Variants in MFAP5 observed in about 807,000 individuals in gnomAD.
The protein encoded by MFAP5 is microfibrillar-associated protein 5.
A neutral mutation model predicts 30.1 loss-of-function variants in MFAP5; 19 were observed. That is an observed-to-expected ratio of 0.63 (90% CI 0.44 to 0.93). The LOEUF (loss-of-function observed/expected upper bound fraction) is 0.93. MFAP5 is among the 40% of genes least tolerant of loss of function. The pLI is 0.00. For synonymous variants in MFAP5, 92 were observed against 72.9 expected (o/e 1.26, Z -1.33); for missense variants, 210 against 221.3 (o/e 0.95, Z 0.32).
Position 8,651,687 on chromosome 12 carries a change from G to A in MFAP5, c.222C>T (p.Ser74=). 1.2e-6 allele frequency: 2 copies of A among 1,613,758 alleles called. No individual in the cohort carries two copies. The highest frequency in any genetic ancestry group is 8.5e-7 in the Non-Finnish European group (1 of 1,179,770). ...CTGCAGTGGTATTTTTTTCACTGAG[G>A]GAGGCTGAAAGGCAGAAATTTTATT... The part of the protein sequence containing the change: ...DIAPSTDDLA[S]LSEKNTTAEC... Residue 74 remains serine (S), a synonymous_variant, in exon 7 of 10, where the codon TCC becomes TCT. Coordinates refer to ENST00000359478, the MANE Select transcript of MFAP5 (RefSeq NM_003480.4).
At chr12:8,653,325 C>T (rs1941894334) in intron 6 of MFAP5, among the ~76,000 whole-genome samples, 1 of 152,158 alleles carries the variant, frequency 6.6e-6, no homozygotes, top group South Asian at 2.1e-4. Context: ...GGGAACACTG[C>T]AACAGTGGCC....
At chr12:8,651,295 T>G (rs1941831465) in intron 7 of MFAP5, among the ~76,000 whole-genome samples, 1 of 152,336 alleles carries the variant, frequency 6.6e-6, no homozygotes, top group African/African-American at 2.4e-5. Flanking sequence ...ACCCTAGCTA[T>G]ATATCAGAAT....
chr12:8,657,291 C>T (rs1374471153), intron 3 of MFAP5, among the ~76,000 whole-genome samples: 1 of 152,072 alleles, frequency 6.6e-6, no homozygotes, highest in African/African-American at 2.4e-5. Context: ...TGGTGGTGCA[C>T]GCCTGTAATC....
chr12:8,655,979 C>T (rs1470896046), intron 3 of MFAP5, 149 bp from the exon 4 acceptor site: 7 of 665,998 alleles, frequency 1.1e-5, no homozygotes, highest in South Asian at 1.9e-5. Flanking sequence ...TAATGACAAA[C>T]GATTGATGAC....
rs28372697 is a variant in MFAP5 at position 8,662,691 on chromosome 12, C to T, written c.-67G>A. 1.5e-3 allele frequency: 225 copies of T among 152,238 alleles called. 1 individual carries two copies. In the East Asian group the frequency reaches 0.021, roughly 14 times the overall value. The allele number at this position is 152,238 out of a possible 1,614,324, so 9.4% of individuals were successfully genotyped here. ...TGCTGAATGTGTCTCTCTCCTCTTA[C>T]GCTGTTCCTACTTTGGCTGGCGAAT... is the stretch of plus-strand genomic sequence containing the variant. On this transcript the variant is annotated 5_prime_UTR_variant, in exon 1 of 10. Transcript: ENST00000359478.
In MFAP5 at chr12:8,655,412, T is replaced by A; in HGVS notation, c.172+3A>T. On this transcript the variant is annotated splice_donor_region_variant and intron_variant, in intron 5 of 9. Coordinates refer to ENST00000359478, the MANE Select transcript of MFAP5 (RefSeq NM_003480.4). ...TTTTTTTTTTAACTGCGGTAAAATT[T>A]ACCTGTTTCATCTGTAGCGGGATCA... 4 of 1,599,238 alleles carry A rather than the reference T, an allele frequency of 2.5e-6. No homozygotes were observed. Among genetic ancestry groups the A allele is most frequent in the Non-Finnish European group, 3.4e-6 (4 of 1,173,850 alleles).
At position 8,647,479 on chromosome 12, in the gene MFAP5, C is replaced by T. The variant is rs1941713276; in HGVS notation, c.*612G>A. Reference sequence around the variant, plus strand: ...GAGCTTAGCAGAAGACATTTTGGGTCCTTATATATTGCTAGTAGGATTGTA... The same window carrying T: ...GAGCTTAGCAGAAGACATTTTGGGTTCTTATATATTGCTAGTAGGATTGTA... On this transcript the variant is annotated 3_prime_UTR_variant, in exon 10 of 10. Coordinates refer to ENST00000359478, the MANE Select transcript of MFAP5 (RefSeq NM_003480.4). The T allele has an allele frequency of 6.6e-6, 1 of 152,162 alleles. No individual in the cohort carries two copies. The highest frequency in any genetic ancestry group is 1.5e-5 in the Non-Finnish European group (1 of 68,044). 9.4% of individuals were successfully genotyped at this position (152,162 alleles called of 1,614,324 possible). A position where few individuals can be genotyped will look rare whatever the true frequency, so the allele number is the denominator to read the frequency against.
chr12:8,661,469 T>C (rs1942148596), intron 2 of MFAP5, among the ~76,000 whole-genome samples: 4 of 152,166 alleles, frequency 2.6e-5, no homozygotes, highest in Admixed American at 2.6e-4. Context: ...TATACCTGCA[T>C]GCATGATGGT....
intron 6 of MFAP5, among the ~76,000 whole-genome samples, chr12:8,652,607 A>C (rs1941866818): frequency 6.6e-6 from 1 of 152,196 alleles, no homozygotes; most frequent in Admixed American, 6.5e-5. Flanking sequence ...TGTCACTGGA[A>C]GTGTTGCAAA....
rs369252696 is a variant in MFAP5 at position 8,655,528 on chromosome 12, T to G, written c.140-81A>C. 4.9e-3 allele frequency: 6,985 copies of G among 1,416,528 alleles called. 24 individuals are homozygous for G. Among genetic ancestry groups the G allele is most frequent in the Non-Finnish European group, 5.9e-3 (6,069 of 1,027,652 alleles). The allele number at this position is 1,416,528 out of a possible 1,614,324, so 87.7% of individuals were successfully genotyped here. ...AAAGCAGGATAAGGGGACGATGATC[T>G]CAAAGGAGGCAAGAAAGGCTGAAGT... On this transcript the variant is annotated intron_variant, in intron 4 of 9. Coordinates refer to ENST00000359478, the MANE Select transcript of MFAP5 (RefSeq NM_003480.4).
At chr12:8,650,262 C>T (rs1941797947) in intron 8 of MFAP5, 2 of 498,864 alleles carry the variant, frequency 4.0e-6, no homozygotes, top group Non-Finnish European at 7.3e-6. Flanking sequence ...CCTCATGACC[C>T]TTCTTCCTCC....
chr12:8,655,207 A>G (rs1445448383), intron 5 of MFAP5, among the ~76,000 whole-genome samples: 1 of 152,080 alleles, frequency 6.6e-6, no homozygotes, highest in East Asian at 1.9e-4. Flanking sequence ...GAACCCCTGA[A>G]CCCAGGAAGT....
At chr12:8,652,372 G>T (rs890464031) in intron 6 of MFAP5, among the ~76,000 whole-genome samples, 5 of 152,092 alleles carry the variant, frequency 3.3e-5, no homozygotes, top group African/African-American at 1.2e-4. Flanking sequence ...TTGAACCTGG[G>T]AGGCAGAGGC....
At chr12:8,661,957 C>T (rs1012706871) in intron 2 of MFAP5, 90 bp downstream of exon 2, 14 of 1,224,478 alleles carry the variant, frequency 1.1e-5, no homozygotes, top group African/African-American at 1.5e-5. Context: ...TACTGCTATT[C>T]CTCTTCGACC....
chr12:8,650,421 A>G, intron 8 of MFAP5, 81 bp downstream of exon 8: 3 of 1,418,450 alleles, frequency 2.1e-6, no homozygotes, highest in African/African-American at 1.4e-5. Flanking sequence ...TTGCAATTCC[A>G]TAGTGGGTGC....
chr12:8,650,938 G>A lies in MFAP5; in HGVS notation c.248-349C>T, dbSNP rs751476621. On this transcript the variant is annotated intron_variant, in intron 7 of 9. Coordinates refer to ENST00000359478, the MANE Select transcript of MFAP5 (RefSeq NM_003480.4). ...TTCCAGCACTTTGCGGGGACGAGGC[G>A]GGCAGATCACCTGAAGTCAGGAGTT... Among the ~76,000 whole-genome samples, 227 of 152,196 alleles carry A rather than the reference G, an allele frequency of 1.5e-3. 3 individuals are homozygous for A. The highest frequency in any genetic ancestry group is 5.2e-3 in the African/African-American group (215 of 41,516).
At chr12:8,662,511 G>A in intron 1 of MFAP5, 116 bp downstream of exon 1, 1 of 213,346 alleles carries the variant, frequency 4.7e-6, no homozygotes, top group Admixed American at 5.3e-5. Context: ...TGGGAGGTCT[G>A]CTCAAGACTA....
At chr12:8,650,964 C>T (rs539824646) in intron 7 of MFAP5, among the ~76,000 whole-genome samples, 96 of 152,126 alleles carry the variant, frequency 6.3e-4, no homozygotes, top group Middle Eastern at 6.8e-3. Context: ...GTCAGGAGTT[C>T]GAGACCAGCC....
chr12:8,662,317 A>G (rs1021042208), intron 1 of MFAP5: 1 of 555,462 alleles, frequency 1.8e-6, no homozygotes, highest in Non-Finnish European at 3.2e-6. Context: ...ACTTACCATT[A>G]TTCTTGCTTT....
Sources: gnomAD v4.1 joint callset for allele counts (sites outside exome capture counted in the v4.1 genomes callset) on GRCh38, gnomAD v4.1.1 for gene constraint, MANE v1.5 for transcripts, NCBI Gene and HGNC (gene_info 2026-07-23, HGNC 2026-07-21) for gene names.